Variants in DISC1 observed in about 807,000 individuals in gnomAD.
DISC1 encodes the protein disrupted in schizophrenia 1 protein.
Under a neutral mutation model 84.5 loss-of-function variants are expected in DISC1, and 57 were observed. That is an observed-to-expected ratio of 0.67 (90% confidence interval 0.55 to 0.84). DISC1 has a LOEUF of 0.84. Ranked by LOEUF, DISC1 falls within the 40% of genes least tolerant of loss-of-function variation. The pLI, the probability that DISC1 is intolerant of heterozygous loss-of-function variation, is 0.00. For missense variants in DISC1, 1,000 were observed against 1,057.8 expected, an observed-to-expected ratio of 0.95 and a Z score of 0.76; for synonymous variants, 411 against 415.2, an observed-to-expected ratio of 0.99 and a Z score of 0.12.
At chr1:231,689,665 G>GT (rs2064749407) in intron 1 of DISC1, among the ~76,000 whole-genome samples, 1 of 152,082 alleles carries the variant, frequency 6.6e-6, no homozygotes, top group African/African-American at 2.4e-5. Flanking sequence ...TAAACTGCAT[G>GT]TTTAAGATTT....
intron 10 of DISC1, among the ~76,000 whole-genome samples, chr1:231,975,545 A>G (rs1662667662): frequency 6.6e-6 from 1 of 152,248 alleles, no homozygotes; most frequent in African/African-American, 2.4e-5. Context: ...ACTATTTCCA[A>G]CAGCAAAGAT....
intron 3 of DISC1, among the ~76,000 whole-genome samples, chr1:231,737,586 G>A (rs1163920602): frequency 6.6e-6 from 1 of 152,134 alleles, no homozygotes; most frequent in Non-Finnish European, 1.5e-5. Context: ...AGGAGAGGAG[G>A]TTTTCTTAAA....
At chr1:231,788,996 C>T (rs1044165447) in intron 6 of DISC1, among the ~76,000 whole-genome samples, 18 of 151,666 alleles carry the variant, frequency 1.2e-4, no homozygotes, top group African/African-American at 4.1e-4. Flanking sequence ...AAGTACTTCT[C>T]CAAAAATCCT....
At chr1:231,697,762 T>C (rs1025689192) in intron 2 of DISC1, among the ~76,000 whole-genome samples, 3 of 152,060 alleles carry the variant, frequency 2.0e-5, no homozygotes, top group Admixed American at 1.3e-4. Flanking sequence ...ATTTTGAACC[T>C]GCACAGAGTG....
intron 9 of DISC1, among the ~76,000 whole-genome samples, chr1:231,915,971 C>G (rs2089593829): frequency 6.6e-6 from 1 of 152,054 alleles, no homozygotes; most frequent in Non-Finnish European, 1.5e-5. Context: ...TTACAGGAGC[C>G]CAAGGGTATT....
At chr1:231,994,190 G>C (rs569560561) in intron 10 of DISC1, among the ~76,000 whole-genome samples, 1 of 152,364 alleles carries the variant, frequency 6.6e-6, no homozygotes, top group African/African-American at 2.4e-5. Context: ...GCCTGCACCA[G>C]GGCTGAACGT....
intron 9 of DISC1, among the ~76,000 whole-genome samples, chr1:231,852,282 T>C (rs911588294): frequency 5.3e-5 from 8 of 152,206 alleles, no homozygotes; most frequent in Non-Finnish European, 2.9e-5. Flanking sequence ...TTGGAGTCGC[T>C]CATTGATTCA....
chr1:231,631,427 C>T (rs1350941640), intron 1 of DISC1, among the ~76,000 whole-genome samples: 1 of 152,110 alleles, frequency 6.6e-6, no homozygotes, highest in Non-Finnish European at 1.5e-5. Context: ...CAGGCAGGTC[C>T]TTCAGGAGGT....
intron 8 of DISC1, among the ~76,000 whole-genome samples, chr1:231,817,395 G>A (rs76194009): frequency 0.011 from 1,651 of 152,192 alleles, 13 homozygotes; most frequent in Non-Finnish European, 0.018. Context: ...ACTCTTAGAC[G>A]TTTTAGAATA....
chr1:231,718,670 A>G (rs2069142488), intron 3 of DISC1, among the ~76,000 whole-genome samples: 1 of 152,136 alleles, frequency 6.6e-6, no homozygotes, highest in African/African-American at 2.4e-5. Flanking sequence ...TCCTGACCTC[A>G]GGTCATCTGC....
At chr1:231,923,305 AC>A (rs68095271) in intron 9 of DISC1, among the ~76,000 whole-genome samples, 2,923 of 140,868 alleles carry the variant, frequency 0.021, 50 homozygotes, top group African/African-American at 0.026. Context: ...AACAAAAAAA[AC>A]CAAAAAAAAA....
intron 4 of DISC1, among the ~76,000 whole-genome samples, chr1:231,764,348 G>A (rs1049849855): frequency 6.6e-6 from 1 of 152,146 alleles, no homozygotes; most frequent in Non-Finnish European, 1.5e-5. Flanking sequence ...AACATTTTAT[G>A]TTACAGTTGT....
At chr1:231,942,089 G>A (rs1230407657) in intron 9 of DISC1, among the ~76,000 whole-genome samples, 1 of 151,762 alleles carries the variant, frequency 6.6e-6, no homozygotes, top group Non-Finnish European at 1.5e-5. Context: ...AGGGAAAGAG[G>A]GAAAAAACAA....
At chr1:231,753,772 A>T (rs1457078556) in intron 4 of DISC1, among the ~76,000 whole-genome samples, 1 of 152,160 alleles carries the variant, frequency 6.6e-6, no homozygotes, top group Non-Finnish European at 1.5e-5. Context: ...ACTTTAGGTC[A>T]TTTATTTGCT....
intron 3 of DISC1, among the ~76,000 whole-genome samples, chr1:231,724,255 G>A (rs2070303687): frequency 6.6e-6 from 1 of 151,746 alleles, no homozygotes; most frequent in South Asian, 2.1e-4. Flanking sequence ...GGTCCTTGGG[G>A]ACCTAGAAGT....
chr1:231,656,035 T>C (rs1310109215), intron 1 of DISC1, among the ~76,000 whole-genome samples: 1 of 152,198 alleles, frequency 6.6e-6, no homozygotes, highest in Non-Finnish European at 1.5e-5. Context: ...TTTTCTCCCA[T>C]TCTGTGAGTT....
intron 3 of DISC1, among the ~76,000 whole-genome samples, chr1:231,730,464 G>A (rs2071373882): frequency 6.6e-6 from 1 of 152,094 alleles, no homozygotes; most frequent in Non-Finnish European, 1.5e-5. Context: ...TACATGTTGT[G>A]CAGGTTTGTG....
intron 7 of DISC1, among the ~76,000 whole-genome samples, chr1:231,799,733 T>G (rs1456167783): frequency 6.6e-6 from 1 of 151,378 alleles, no homozygotes; most frequent in Non-Finnish European, 1.5e-5. Flanking sequence ...TGTTAGCTCC[T>G]ATCAGTTTTG....
intron 9 of DISC1, chr1:231,854,844 G>T (rs959225625): frequency 2.9e-6 from 1 of 344,150 alleles, no homozygotes; most frequent in African/African-American, 2.2e-5. Flanking sequence ...AGCCTCCGGA[G>T]TAGCTGGGAT....
Sources: gnomAD v4.1 joint callset for allele counts (sites outside exome capture counted in the v4.1 genomes callset) on GRCh38, gnomAD v4.1.1 for gene constraint, MANE v1.5 for transcripts, NCBI Gene and HGNC (gene_info 2026-07-23, HGNC 2026-07-21) for gene names.